Variants in RYR3 observed in about 807,000 individuals in gnomAD.
RYR3 encodes the protein brain ryanodine receptor-calcium release channel.
Under a neutral mutation model 584.3 loss-of-function variants are expected in RYR3, and 207 were observed. The ratio of observed to expected loss-of-function variants is 0.35; its 90% CI spans 0.32 to 0.40. RYR3 has a LOEUF of 0.40. RYR3 is among the 10% of genes least tolerant of loss of function. RYR3 has a pLI of 1.00. For synonymous variants in RYR3, 2,416 were observed against 2,248.5 expected, an observed-to-expected ratio of 1.07 and a Z score of -2.11; for missense variants, 5,616 against 6,089.2, an observed-to-expected ratio of 0.92 and a Z score of 2.59.
At chr15:33,751,340 C>T (rs745725420) in intron 57 of RYR3, among the ~76,000 whole-genome samples, 4 of 152,176 alleles carry the variant, frequency 2.6e-5, no homozygotes, top group African/African-American at 4.8e-5. Context: ...AACTAATTTA[C>T]GCTCCCACCA....
intron 64 of RYR3, among the ~76,000 whole-genome samples, chr15:33,777,401 A>ACACTGATACTTCATAG (rs1436169907): frequency 2.6e-5 from 4 of 152,116 alleles, no homozygotes; most frequent in African/African-American, 4.8e-5. Flanking sequence ...AAAGTCATTC[A>ACACTGATACTTCATAG]CACTGATACT....
intron 16 of RYR3, among the ~76,000 whole-genome samples, chr15:33,598,246 C>CAAAAAAAAAA (rs35785154): frequency 8.6e-4 from 64 of 74,224 alleles, no homozygotes; most frequent in East Asian, 3.8e-3. Flanking sequence ...AAAAATTGCT[C>CAAAAAAAAAA]AAAAAAAAAA....
chr15:33,437,115 AGAGTGTGTGTGTGTGTGTGT>A (rs1567234424), intron 1 of RYR3, among the ~76,000 whole-genome samples: 2 of 111,920 alleles, frequency 1.8e-5, no homozygotes, highest in Admixed American at 1.8e-4. Context: ...AGAGAGAGAT[AGAGTGTGTGTGTGTGTGTGT>A]GTGTGTGTGT....
intron 1 of RYR3, among the ~76,000 whole-genome samples, chr15:33,315,338 CTG>C (rs1454229751): frequency 1.3e-5 from 2 of 152,140 alleles, no homozygotes; most frequent in Non-Finnish European, 2.9e-5. Context: ...TGCATGAAGC[CTG>C]TGTTTTGGTA....
In RYR3 at chr15:33,838,331, T is replaced by C. The variant is rs1380210227; in HGVS notation, c.12351T>C (p.Asp4117=). The change falls in exon 89 of 104, where the codon GAT becomes GAC. Residue 4117 remains aspartate, a synonymous_variant. Transcript: ENST00000634891. ...ACAGGCCAGAAGAGGAGGAAGAAGA[T>C]GAAGATTCTTCTTACGTGTTAGAAA... is the stretch of plus-strand genomic sequence containing the variant. ...SADRPEEEEE[D]EDSSYVLEIA... 6.2e-7 allele frequency: 1 copy of C among 1,613,888 alleles called. No homozygotes were observed. The highest frequency in any genetic ancestry group is 1.7e-5 in the Admixed American group (1 of 60,004).
chr15:33,719,210 A>G (rs932006010), intron 43 of RYR3, among the ~76,000 whole-genome samples: 4 of 152,214 alleles, frequency 2.6e-5, no homozygotes, highest in African/African-American at 9.7e-5. Flanking sequence ...ACAATTCAGT[A>G]ATCAAGGGCC....
chr15:33,831,114 T>C (rs376955322), intron 86 of RYR3, 23 bp downstream of exon 86: 247 of 1,606,674 alleles, frequency 1.5e-4, no homozygotes, highest in Non-Finnish European at 1.4e-4. Context: ...GAGTGCATGG[T>C]TGAAAACAAA....
intron 38 of RYR3, among the ~76,000 whole-genome samples, chr15:33,680,427 C>T (rs920959267): frequency 9.9e-5 from 15 of 152,202 alleles, no homozygotes; most frequent in Non-Finnish European, 1.6e-4. Context: ...GCTCACTCTC[C>T]AGGCAGTCAT....
chr15:33,843,624 T>TACA, intron 92 of RYR3, 50 bp downstream of exon 92: 44 of 1,230,094 alleles, frequency 3.6e-5, no homozygotes, highest in Non-Finnish European at 4.4e-5. Flanking sequence ...ATACTAAGTA[T>TACA]GCTATGTGTA....
At chr15:33,863,522 G>T (rs772190075) in intron 102 of RYR3, among the ~76,000 whole-genome samples, 5 of 152,172 alleles carry the variant, frequency 3.3e-5, no homozygotes, top group Admixed American at 6.5e-5. Flanking sequence ...CGGTCTCTGA[G>T]ATCATATAAT....
intron 80 of RYR3, among the ~76,000 whole-genome samples, chr15:33,821,882 C>T (rs996011490): frequency 4.6e-5 from 7 of 152,124 alleles, no homozygotes; most frequent in Non-Finnish European, 7.3e-5. Context: ...AAATATTCTC[C>T]AGAAAAATTT....
intron 38 of RYR3, among the ~76,000 whole-genome samples, chr15:33,672,946 G>A (rs1425686924): frequency 2.0e-5 from 3 of 152,082 alleles, no homozygotes; most frequent in South Asian, 2.1e-4. Flanking sequence ...CCAGAAAAAC[G>A]TCCGGGTGTC....
At chr15:33,483,185 C>G (rs907178994) in intron 2 of RYR3, among the ~76,000 whole-genome samples, 1 of 151,984 alleles carries the variant, frequency 6.6e-6, no homozygotes, top group Non-Finnish European at 1.5e-5. Flanking sequence ...TTCTCCCCTT[C>G]CATTATCTCT....
intron 1 of RYR3, among the ~76,000 whole-genome samples, chr15:33,337,413 C>G (rs1004005706): frequency 6.6e-6 from 1 of 152,156 alleles, no homozygotes; most frequent in Non-Finnish European, 1.5e-5. Flanking sequence ...CAACAAAAAT[C>G]AAGCAACTGA....
chr15:33,489,816 C>G (rs1297041766), intron 2 of RYR3, among the ~76,000 whole-genome samples: 1 of 152,176 alleles, frequency 6.6e-6, no homozygotes, highest in South Asian at 2.1e-4. Context: ...ATACTACCAC[C>G]AACGGTGTGT....
rs756214937 is a variant in RYR3, at chr15:33,613,208, C to T, written c.2190C>T (p.Ser730=). The part of the protein sequence containing the change: ...WSGRIPRAVA[S]INQHLLRSDD... ...GCCGGATACCCAGAGCTGTGGCTTC[C>T]ATCAACCAGCACCTCCTGAGATCGG... Residue 730 remains serine (S), a synonymous_variant, in exon 19 of 104, where the codon TCC becomes TCT. Transcript: ENST00000634891. The T allele has an allele frequency of 1.9e-6, 3 of 1,613,782 alleles. No homozygotes were observed. Among genetic ancestry groups the T allele is most frequent in the Non-Finnish European group, 1.7e-6 (2 of 1,179,798 alleles).
intron 43 of RYR3, among the ~76,000 whole-genome samples, chr15:33,720,766 C>T (rs2067845863): frequency 6.6e-6 from 1 of 151,970 alleles, no homozygotes; most frequent in Non-Finnish European, 1.5e-5. Context: ...CTCAGCTACT[C>T]AAGAGGCCGA....
At chr15:33,647,567 A>G (rs79620659) in intron 30 of RYR3, 107 bp downstream of exon 30, 10,821 of 759,186 alleles carry the variant, frequency 0.014, 121 homozygotes, top group Non-Finnish European at 0.02. Context: ...TTAATTGCCA[A>G]TTACTCTGTC....
chr15:33,482,993 C>T (rs1215870734), intron 2 of RYR3, among the ~76,000 whole-genome samples: 1 of 152,070 alleles, frequency 6.6e-6, no homozygotes, highest in Admixed American at 6.6e-5. Context: ...TATGCATCTG[C>T]CTGAATACTT....
Sources: allele counts gnomAD v4.1 joint callset (sites outside exome capture counted in the v4.1 genomes callset), GRCh38; gene constraint gnomAD v4.1.1; transcripts MANE v1.5; gene names NCBI Gene and HGNC (gene_info 2026-07-23, HGNC 2026-07-21).